Variants in MEGF6 observed in about 807,000 individuals in gnomAD.
The protein encoded by MEGF6 is multiple EGF like domains 6.
Under a neutral mutation model 207.1 loss-of-function variants are expected in MEGF6, and 184 were observed. The ratio of observed to expected loss-of-function variants is 0.89; its 90% CI spans 0.79 to 1.00. The LOEUF (loss-of-function observed/expected upper bound fraction) is 1.00, where lower values mean the gene tolerates loss of function less well. Ranked by LOEUF, MEGF6 falls within the 50% of genes least tolerant of loss-of-function variation. The pLI is 0.00. For missense variants in MEGF6, 2,282 were observed against 2,202.9 expected (o/e 1.04, Z -0.72); for synonymous variants, 1,038 against 910.0 (o/e 1.14, Z -2.53).
chr1:3,567,816 T>C (rs1643390187), intron 4 of MEGF6, among the ~76,000 whole-genome samples: 1 of 152,194 alleles, frequency 6.6e-6, no homozygotes, highest in African/African-American at 2.4e-5. Flanking sequence ...AGGACAGGCC[T>C]GTGTTTCTAT....
chr1:3,590,101 CG>C (rs1227113191), intron 3 of MEGF6, among the ~76,000 whole-genome samples: 1 of 152,196 alleles, frequency 6.6e-6, no homozygotes, highest in Non-Finnish European at 1.5e-5. Context: ...CAGCACAGCC[CG>C]TATGAGGAGT....
At chr1:3,517,711 C>A (rs1237493004) in intron 5 of MEGF6, among the ~76,000 whole-genome samples, 1 of 152,202 alleles carries the variant, frequency 6.6e-6, no homozygotes, top group African/African-American at 2.4e-5. Flanking sequence ...CCTGTTACAG[C>A]CTGCAAAGTG....
chr1:3,505,251 C>A lies in MEGF6; in HGVS notation c.2145G>T (p.Gly715=). The A allele has an allele frequency of 6.2e-7, 1 of 1,612,496 alleles. No homozygotes were observed. The highest frequency in any genetic ancestry group is 8.5e-7 in the Non-Finnish European group (1 of 1,179,892). ...VACDSVSGEC[G]KRCPAGFQGE... is the part of the protein sequence containing the mutation. ...CCTGGAAGCCAGCAGGACACCGCTTCCCACACTCGCCGCTCACGGAGTCAC... is the reference window on the plus strand; with the variant it reads ...CCTGGAAGCCAGCAGGACACCGCTTACCACACTCGCCGCTCACGGAGTCAC... The change falls in exon 17 of 37, where the codon GGG becomes GGT. Residue 715 remains glycine (G), a synonymous_variant. Transcript: ENST00000356575.
At chr1:3,499,988 G>A (rs754336566) in intron 21 of MEGF6, 64 bp from the exon 22 acceptor site, 258 of 1,490,340 alleles carry the variant, frequency 1.7e-4, no homozygotes, top group Middle Eastern at 7.2e-4. Flanking sequence ...AGCCGTGCCC[G>A]GGCCTTGCCG....
intron 34 of MEGF6, chr1:3,493,051 GAGGGCA>G: frequency 2.1e-6 from 1 of 471,582 alleles, no homozygotes. Context: ...CCCGCCCCAG[GAGGGCA>G]AACAGGAGCC....
chr1:3,498,994 G>A, intron 24 of MEGF6, 144 bp downstream of exon 24: 2 of 1,403,870 alleles, frequency 1.4e-6, no homozygotes, highest in Non-Finnish European at 1.9e-6. Context: ...GCCTGGAGAG[G>A]GGCACAGGTG....
the MEGF6 span, among the ~76,000 whole-genome samples, chr1:3,622,338 TGTAAGAC>T: frequency 6.6e-6 from 1 of 152,220 alleles, no homozygotes; most frequent in Non-Finnish European, 1.5e-5. Flanking sequence ...CCCGCCGCCA[TGTAAGAC>T]GTGCCTTGCT....
chr1:3,523,085 C>A (rs868202816), intron 5 of MEGF6, among the ~76,000 whole-genome samples: 1 of 136,128 alleles, frequency 7.3e-6, no homozygotes, highest in South Asian at 2.4e-4. Flanking sequence ...GGGGGGGGGG[C>A]CCCAGGGCTG....
chr1:3,622,188 TCATCTCGAATTGTAATC>T, the MEGF6 span, among the ~76,000 whole-genome samples: 3 of 152,140 alleles, frequency 2.0e-5, no homozygotes, highest in African/African-American at 7.2e-5. Flanking sequence ...CACCCAAATC[TCATCTCGAATTGTAATC>T]CCCACATGTC....
chr1:3,496,044 G>C (rs763725987), intron 29 of MEGF6, 26 bp from the exon 30 acceptor site: 1 of 1,492,292 alleles, frequency 6.7e-7, no homozygotes, highest in Non-Finnish European at 8.9e-7. Flanking sequence ...TGGTGATCGT[G>C]GCTGGCTTCC....
chr1:3,592,762 G>C (rs1351791563), intron 3 of MEGF6, among the ~76,000 whole-genome samples: 1 of 152,054 alleles, frequency 6.6e-6, no homozygotes, highest in East Asian at 1.9e-4. Flanking sequence ...GGAGCGGCCA[G>C]AGAAGGAGAT....
rs1643171634 is a variant in MEGF6 at position 3,560,631 on chromosome 1, G to A, written c.481+19194C>T. The stretch of plus-strand genomic sequence containing the variant: ...CTCCATAGGCAGGGAAAGGCTCTGG[G>A]GATCCGGGGTCCCTTCCCAGGCTTG... On this transcript the variant is annotated intron_variant, in intron 4 of 36. Transcript: ENST00000356575. The surrounding 1 kb of genome is among the most constrained non-coding windows in gnomAD (Gnocchi z 4.0). The A allele has an allele frequency of 2.3e-6, 1 of 429,060 alleles. No homozygotes were observed. The highest frequency in any genetic ancestry group is 1.6e-5 in the South Asian group (1 of 60,920). 26.6% of individuals were successfully genotyped at this position (429,060 alleles called of 1,614,324 possible).
chr1:3,552,013 G>A (rs1333798214), intron 4 of MEGF6, among the ~76,000 whole-genome samples: 2 of 152,156 alleles, frequency 1.3e-5, no homozygotes, highest in Non-Finnish European at 1.5e-5. Flanking sequence ...TTGTCCCCAA[G>A]TCAACGTTAC....
In MEGF6 at chr1:3,510,879, G is replaced by T; in HGVS notation, c.1138C>A (p.Pro380Thr). 6.2e-7 allele frequency: 1 copy of T among 1,609,068 alleles called. No individual in the cohort carries two copies. Among genetic ancestry groups the T allele is most frequent in the Non-Finnish European group, 8.5e-7 (1 of 1,176,908 alleles). Residue 380 changes from proline to threonine, a missense_variant, in exon 10 of 37, where the codon CCG becomes ACG. Coordinates refer to ENST00000356575, the MANE Select transcript of MEGF6 (RefSeq NM_001409.4). The stretch of plus-strand genomic sequence containing the variant: ...TTGGTGCACACCTGCTGGCAGCACG[G>T]GCTGTCTGCACAGTCGTCGACATCT... ...CIDVDDCADS[P>T]CCQQVCTNNP... is the part of the protein sequence containing the mutation.
At chr1:3,563,973 T>C (rs1232915022) in intron 4 of MEGF6, among the ~76,000 whole-genome samples, 3 of 152,112 alleles carry the variant, frequency 2.0e-5, no homozygotes, top group South Asian at 2.1e-4. Flanking sequence ...CTCCTGGGCA[T>C]AGGCACAAAC....
At chr1:3,588,894 C>A (rs946114445) in intron 3 of MEGF6, among the ~76,000 whole-genome samples, 2 of 152,180 alleles carry the variant, frequency 1.3e-5, no homozygotes, top group Non-Finnish European at 2.9e-5. Flanking sequence ...GGCCCAGCCC[C>A]TCCTTTGCAC....
Position 3,493,781 on chromosome 1 carries a change from G to C in MEGF6, c.4377C>G (p.Thr1459=). Reference sequence around the variant, plus strand: ...GGACCCCAGACTCACCCAGGTTACAGGTGGCTCCTGAGCGCCCTGGTGGGC... The same window carrying C: ...GGACCCCAGACTCACCCAGGTTACACGTGGCTCCTGAGCGCCCTGGTGGGC... ...CLCPPGRSGA[T]CNLDCRRGQF... The change falls in exon 34 of 37, where the codon ACC becomes ACG. Residue 1459 remains threonine, a synonymous_variant. Transcript: ENST00000356575. 1 of 1,612,166 alleles carries C rather than the reference G, an allele frequency of 6.2e-7. No homozygotes were observed. Among genetic ancestry groups the C allele is most frequent in the Non-Finnish European group, 8.5e-7 (1 of 1,179,598 alleles).
chr1:3,542,764 A>T (rs1336309791), intron 4 of MEGF6, among the ~76,000 whole-genome samples: 1 of 152,226 alleles, frequency 6.6e-6, no homozygotes, highest in Non-Finnish European at 1.5e-5. Flanking sequence ...ACCACGCAAT[A>T]AGGAGCTAAG....
chr1:3,547,384 G>A (rs192484470), intron 4 of MEGF6, among the ~76,000 whole-genome samples: 57 of 152,304 alleles, frequency 3.7e-4, no homozygotes, highest in Middle Eastern at 3.4e-3. Flanking sequence ...GCTCTCAGGA[G>A]CAACATTTGG....
Sources: gnomAD v4.1 joint callset for allele counts (sites outside exome capture counted in the v4.1 genomes callset) on GRCh38, gnomAD v4.1.1 for gene constraint, Gnocchi (gnomAD v3.1) non-coding constraint, MANE v1.5 for transcripts, NCBI Gene and HGNC (gene_info 2026-07-23, HGNC 2026-07-21) for gene names.